The following SLC12A6 variants were observed in gnomAD, a reference collection of about 807,000 sequenced individuals.
SLC12A6 encodes solute carrier family 12 member 6.
Under a neutral mutation model 135.3 loss-of-function variants are expected in SLC12A6, and 66 were observed. The observed-to-expected ratio is 0.49, with a 90% CI of 0.40 to 0.60. SLC12A6 has a LOEUF of 0.60. SLC12A6 is among the 20% of genes least tolerant of loss of function. The probability of loss-of-function intolerance (pLI) is 0.00; values close to 1 mark genes in which losing one functional copy is unlikely to be tolerated. For synonymous variants in SLC12A6, 513 were observed against 508.8 expected, an observed-to-expected ratio of 1.01 and a Z score of -0.11; for missense variants, 1,058 against 1,452.3, an observed-to-expected ratio of 0.73 and a Z score of 4.41.
At chr15:34,290,557 C>G (rs1013181741) in intron 2 of SLC12A6, among the ~76,000 whole-genome samples, 1 of 152,166 alleles carries the variant, frequency 6.6e-6, no homozygotes, top group Non-Finnish European at 1.5e-5. Flanking sequence ...TCTCGTCGAT[C>G]TAATATTGAC....
At chr15:34,320,456 G>C (rs770918689) in intron 2 of SLC12A6, among the ~76,000 whole-genome samples, 2 of 152,044 alleles carry the variant, frequency 1.3e-5, no homozygotes, top group Non-Finnish European at 2.9e-5. Flanking sequence ...CATGAATATA[G>C]AAAGTAGAAT....
chr15:34,320,748 C>A (rs942449445), intron 2 of SLC12A6, among the ~76,000 whole-genome samples: 1 of 151,628 alleles, frequency 6.6e-6, no homozygotes, highest in Non-Finnish European at 1.5e-5. Context: ...AACCCTGTCT[C>A]TACTAAAAAT....
At chr15:34,305,762 T>TCTA (rs1896565837) in intron 2 of SLC12A6, among the ~76,000 whole-genome samples, 1 of 150,882 alleles carries the variant, frequency 6.6e-6, no homozygotes. Flanking sequence ...CTCCAGCATT[T>TCTA]TTTTTTTTTT....
intron 3 of SLC12A6, among the ~76,000 whole-genome samples, chr15:34,271,351 T>C (rs1893923941): frequency 6.7e-6 from 1 of 150,304 alleles, no homozygotes; most frequent in Admixed American, 6.6e-5. Flanking sequence ...TGTAGATATG[T>C]TCCTAAGTAA....
At chr15:34,337,269 T>A (rs1890263156) in intron 1 of SLC12A6, 63 bp downstream of exon 1, 1 of 167,840 alleles carries the variant, frequency 6.0e-6, no homozygotes, top group Non-Finnish European at 1.3e-5. Flanking sequence ...GTGTTTTTGA[T>A]GTCGACAATC....
In SLC12A6 at chr15:34,275,355, G is replaced by A; in HGVS notation, c.306C>T (p.Ser102=). ...ACAGTAATACTATACCTAACAGTTG[G>A]CTGTGTTCCCCTGTGATGGAGTTCT... ...LSQNSITGEH[S]QLLDDGHKKA... The change falls in exon 3 of 26, where the codon AGC becomes AGT. Residue 102 remains serine, a synonymous_variant. Transcript: ENST00000354181. 6.5e-7 allele frequency: 1 copy of A among 1,535,194 alleles called. No individual in the cohort carries two copies. The highest frequency in any genetic ancestry group is 9.0e-7 in the Non-Finnish European group (1 of 1,108,922).
chr15:34,301,946 C>T (rs551186327), intron 2 of SLC12A6, among the ~76,000 whole-genome samples: 1 of 152,178 alleles, frequency 6.6e-6, no homozygotes, highest in Admixed American at 6.5e-5. Flanking sequence ...ATGTTAAGAC[C>T]ACTTTTTGTT....
At position 34,290,796 on chromosome 15, in the gene SLC12A6, C is replaced by CTTTA. The variant is rs533706677; in HGVS notation, c.272-15411_272-15408dup. ...AAACAGACCAGGATTGCAAGCCCTG[C>CTTTA]TTTATTTATTTATTTATTTTTGTTT... On this transcript the variant is annotated intron_variant, in intron 2 of 25. Transcript: ENST00000354181. Among the ~76,000 whole-genome samples, 24 of 152,176 alleles carry CTTTA rather than the reference C, an allele frequency of 1.6e-4. 1 individual carries two copies. Among genetic ancestry groups the CTTTA allele is most frequent in the Admixed American group, 1.2e-3 (19 of 15,282 alleles).
Position 34,313,767 on chromosome 15 carries a change from A to C in SLC12A6, c.271+22643T>G, listed in dbSNP as rs138340883. Among the ~76,000 whole-genome samples, 317 of 152,258 alleles carry C rather than the reference A, an allele frequency of 2.1e-3. 2 individuals are homozygous for C. The Middle Eastern group carries it at 0.024, about 11-fold the overall frequency. On this transcript the variant is annotated intron_variant, in intron 2 of 25. Transcript: ENST00000354181. ...CTAATGCAGCTGGTGACTTTAAGTT[A>C]AAGTCAATGCTCATTTACTGTTCTG...
At position 34,237,468 on chromosome 15, in the gene SLC12A6, G is replaced by A. The variant is rs1227117616; in HGVS notation, c.2885C>T (p.Thr962Ile). The change falls in exon 22 of 26, where the codon ACC becomes ATC. Residue 962 changes from threonine to isoleucine, a missense_variant. By Grantham distance (89) the Thr-to-Ile change is moderately conservative. This residue lies in a region of SLC12A6 where 245 missense variants were observed against 440.8 expected (regional missense o/e 0.56). Transcript: ENST00000354181. ...CTCAATGCGTAAGTGATATAGGAAG[G>A]TGGCTAGGTCCTTCTTCATTTGGAT... Reference protein sequence around the residue: ...NSIQMKKDLATFLYHLRIEAE... With the variant: ...NSIQMKKDLAIFLYHLRIEAE... 1 of 1,613,026 alleles carries A rather than the reference G, an allele frequency of 6.2e-7. No homozygotes were observed. Among genetic ancestry groups the A allele is most frequent in the Non-Finnish European group, 8.5e-7 (1 of 1,179,160 alleles).
chr15:34,237,285 T>C (rs1167628006), intron 22 of SLC12A6, 134 bp downstream of exon 22: 4 of 625,102 alleles, frequency 6.4e-6, no homozygotes, highest in Non-Finnish European at 1.1e-5. Context: ...GGGTTTTTTT[T>C]TGTTTTTTTT....
chr15:34,282,284 T>A (rs1360710974), intron 2 of SLC12A6, among the ~76,000 whole-genome samples: 1 of 152,208 alleles, frequency 6.6e-6, no homozygotes, highest in Non-Finnish European at 1.5e-5. Flanking sequence ...CTCATACCCT[T>A]CAAAATGCTA....
chr15:34,287,254 C>G (rs1216871496), intron 2 of SLC12A6, among the ~76,000 whole-genome samples: 3 of 152,148 alleles, frequency 2.0e-5, no homozygotes, highest in Non-Finnish European at 4.4e-5. Context: ...GATCTTGTGA[C>G]AGTTTGCTGA....
Position 34,258,952 on chromosome 15 carries a change from G to T in SLC12A6, c.412-8C>A. The T allele has an allele frequency of 3.1e-6, 5 of 1,605,542 alleles. No homozygotes were observed. Among genetic ancestry groups the T allele is most frequent in the Non-Finnish European group, 4.3e-6 (5 of 1,172,236 alleles). On this transcript the variant is annotated splice_polypyrimidine_tract_variant and splice_region_variant and intron_variant, in intron 4 of 25. Transcript: ENST00000354181. ...TCTGGTGTCCATTTCTTCCTATAAA[G>T]CCAGTGACATGGAAGAAATGAGCTA... is the stretch of plus-strand genomic sequence containing the variant.
At chr15:34,300,385 T>C (rs913020592) in intron 2 of SLC12A6, among the ~76,000 whole-genome samples, 2 of 152,124 alleles carry the variant, frequency 1.3e-5, no homozygotes, top group Admixed American at 6.5e-5. Flanking sequence ...AATGTCTAAA[T>C]AGTGTCGACA....
chr15:34,303,980 C>A (rs989373830), intron 2 of SLC12A6, among the ~76,000 whole-genome samples: 3 of 152,196 alleles, frequency 2.0e-5, no homozygotes, highest in African/African-American at 7.2e-5. Context: ...TATAGTCACA[C>A]TGTTGTGTAG....
chr15:34,313,404 C>T (rs1888401317), intron 2 of SLC12A6, among the ~76,000 whole-genome samples: 1 of 152,210 alleles, frequency 6.6e-6, no homozygotes, highest in Admixed American at 6.5e-5. Flanking sequence ...GAACAAGACC[C>T]TAACTCTCTT....
intron 10 of SLC12A6, 65 bp from the exon 11 acceptor site, chr15:34,251,122 T>G: frequency 8.3e-7 from 1 of 1,200,044 alleles, no homozygotes; most frequent in Non-Finnish European, 1.2e-6. Flanking sequence ...ATTAATTTTC[T>G]ACCCAAACAT....
chr15:34,271,602 T>TACACACACACACACACACACACACAC (rs10588100), intron 3 of SLC12A6, among the ~76,000 whole-genome samples: 3 of 148,826 alleles, frequency 2.0e-5, no homozygotes, highest in East Asian at 2.0e-4. Flanking sequence ...AGTGCAAAGC[T>TACACACACACACACACACACACACAC]ACACACACAC....
Sources: gnomAD v4.1 joint callset for allele counts (sites outside exome capture counted in the v4.1 genomes callset) on GRCh38, gnomAD v4.1.1 for gene constraint, gnomAD v4.1.1 regional missense constraint, MANE v1.5 for transcripts, NCBI Gene and HGNC (gene_info 2026-07-23, HGNC 2026-07-21) for gene names.